Variants in AGBL1 observed in about 807,000 individuals in gnomAD.
The protein encoded by AGBL1 is cytosolic carboxypeptidase 4.
In AGBL1, 130 loss-of-function variants were observed where a neutral mutation model predicts 118.9. The observed-to-expected ratio is 1.09, with a 90% CI of 0.95 to 1.26. The LOEUF (loss-of-function observed/expected upper bound fraction) is 1.26, where lower values mean the gene tolerates loss of function less well. AGBL1 is among the 50% of genes most tolerant of loss of function. The pLI, the probability that AGBL1 is intolerant of heterozygous loss-of-function variation, is 0.00. For missense variants in AGBL1, 1,584 were observed against 1,298.1 expected (o/e 1.22, Z -3.38); for synonymous variants, 555 against 478.9 (o/e 1.16, Z -2.08).
chr15:86,829,400 A>G (rs1440067968), intron 22 of AGBL1, among the ~76,000 whole-genome samples: 3 of 152,198 alleles, frequency 2.0e-5, no homozygotes, highest in African/African-American at 7.2e-5. Flanking sequence ...CACTCATGCC[A>G]TATGACCCTG....
chr15:86,992,054 C>T, intron 24 of AGBL1, among the ~76,000 whole-genome samples: 1 of 152,080 alleles, frequency 6.6e-6, no homozygotes, highest in East Asian at 1.9e-4. Context: ...GTACAGGAAG[C>T]ATGGTGCTGG....
chr15:86,271,482 C>A, intron 14 of AGBL1, 137 bp from the exon 15 acceptor site: 2 of 695,428 alleles, frequency 2.9e-6, no homozygotes, highest in Non-Finnish European at 5.1e-6. Context: ...TTAATCATAT[C>A]TGCAAATCTC....
chr15:86,305,148 G>T (rs1755819469), intron 17 of AGBL1: 1 of 152,196 alleles, frequency 6.6e-6, no homozygotes, highest in Non-Finnish European at 1.5e-5. Context: ...TGAGGGCTGG[G>T]TAATTAGCAA....
intron 22 of AGBL1, among the ~76,000 whole-genome samples, chr15:86,689,434 A>C: frequency 6.6e-6 from 1 of 152,146 alleles, no homozygotes; most frequent in East Asian, 1.9e-4. Flanking sequence ...CTGAATCCCT[A>C]GCACCTAGAA....
chr15:86,972,719 T>A (rs563577861), intron 23 of AGBL1, among the ~76,000 whole-genome samples: 12 of 152,190 alleles, frequency 7.9e-5, no homozygotes, highest in African/African-American at 2.9e-4. Flanking sequence ...GAGAATGCAC[T>A]GAGCATGCAT....
At chr15:86,086,027 G>A (rs1448325936) in intron 1 of AGBL1, among the ~76,000 whole-genome samples, 5 of 152,110 alleles carry the variant, frequency 3.3e-5, no homozygotes, top group African/African-American at 9.7e-5. Flanking sequence ...GCTTTGAGGT[G>A]TAATTGGAAA....
At chr15:86,436,395 A>G (rs1291508559) in intron 18 of AGBL1, among the ~76,000 whole-genome samples, 1 of 152,134 alleles carries the variant, frequency 6.6e-6, no homozygotes, top group Non-Finnish European at 1.5e-5. Context: ...GCTAAGGAAA[A>G]AAATAGACAT....
chr15:87,021,953 A>T (rs2081669056), intron 24 of AGBL1, among the ~76,000 whole-genome samples: 1 of 152,130 alleles, frequency 6.6e-6, no homozygotes, highest in Admixed American at 6.6e-5. Context: ...ACAGACCTAC[A>T]GATGTTTCAC....
At chr15:86,987,950 C>T (rs1308392628) in intron 23 of AGBL1, 1 of 1,592,394 alleles carries the variant, frequency 6.3e-7, no homozygotes, top group Non-Finnish European at 8.5e-7. Context: ...GGTTTATTTT[C>T]ACCAATCTGT....
chr15:86,725,109 CA>C (rs2086799449), intron 22 of AGBL1, among the ~76,000 whole-genome samples: 1 of 152,140 alleles, frequency 6.6e-6, no homozygotes, highest in Non-Finnish European at 1.5e-5. Context: ...GGGCAGCCAG[CA>C]GAGCTAAAAA....
chr15:86,549,246 G>A (rs538148098), intron 20 of AGBL1, among the ~76,000 whole-genome samples: 88 of 151,642 alleles, frequency 5.8e-4, no homozygotes, highest in African/African-American at 2.1e-3. Context: ...GAGAAAGAAA[G>A]TCCAAAGAGA....
At chr15:86,998,915 A>G (rs1320809610) in intron 24 of AGBL1, among the ~76,000 whole-genome samples, 1 of 151,184 alleles carries the variant, frequency 6.6e-6, no homozygotes, top group Non-Finnish European at 1.5e-5. Context: ...CACAACATGC[A>G]GGTTTGTTAC....
chr15:86,496,298 G>A (rs1445581804), intron 18 of AGBL1, among the ~76,000 whole-genome samples: 4 of 151,942 alleles, frequency 2.6e-5, no homozygotes, highest in Admixed American at 2.6e-4. Context: ...ATGACTATAA[G>A]TTTCCTGAGG....
At chr15:86,631,049 C>A (rs944930915) in intron 21 of AGBL1, 1 of 152,966 alleles carries the variant, frequency 6.5e-6, no homozygotes, top group African/African-American at 2.4e-5. Context: ...ATAACTGCTA[C>A]TTGGTACCTG....
intron 18 of AGBL1, among the ~76,000 whole-genome samples, chr15:86,439,348 A>C (rs2082034934): frequency 2.0e-5 from 3 of 152,168 alleles, no homozygotes; most frequent in Admixed American, 6.5e-5. Context: ...ACTTTCCTTG[A>C]TATCCCACAC....
At chr15:86,295,504 A>C (rs1181869595) in intron 17 of AGBL1, 96 bp downstream of exon 17, 5 of 1,321,540 alleles carry the variant, frequency 3.8e-6, no homozygotes, top group Non-Finnish European at 5.1e-6. Context: ...AAAGCTCCAT[A>C]AAGGGTTGGA....
At chr15:86,341,860 A>AT (rs1567208007) in intron 17 of AGBL1, among the ~76,000 whole-genome samples, 6 of 151,638 alleles carry the variant, frequency 4.0e-5, no homozygotes, top group African/African-American at 1.5e-4. Context: ...TAATAGTAAC[A>AT]CTTTTTTTTA....
chr15:86,711,385 T>C (rs1252703628), intron 22 of AGBL1, among the ~76,000 whole-genome samples: 1 of 152,218 alleles, frequency 6.6e-6, no homozygotes, highest in Non-Finnish European at 1.5e-5. Context: ...GCAAGAAGCC[T>C]CATGTATCCA....
chr15:86,866,423 A>G (rs2079630997), intron 22 of AGBL1, among the ~76,000 whole-genome samples: 1 of 152,194 alleles, frequency 6.6e-6, no homozygotes, highest in Non-Finnish European at 1.5e-5. Flanking sequence ...TTCTGTGACA[A>G]AACCAGGTTG....
Sources: allele counts gnomAD v4.1 joint callset (sites outside exome capture counted in the v4.1 genomes callset), GRCh38; gene constraint gnomAD v4.1.1; transcripts MANE v1.5; gene names NCBI Gene and HGNC (gene_info 2026-07-23, HGNC 2026-07-21).